PARP12: variants seen among roughly 807,000 people sequenced by gnomAD.
PARP12 encodes the protein poly(ADP-ribose) polymerase family member 12.
PARP12 carries 59 observed loss-of-function variants against 72.4 expected under a neutral mutation model. The ratio of observed to expected loss-of-function variants is 0.81; its 90% confidence interval spans 0.66 to 1.01. PARP12 has a LOEUF of 1.01. Among genes scored for constraint, PARP12 ranks in the 50% least tolerant of loss-of-function variants. The probability of loss-of-function intolerance (pLI) is 0.00; values close to 1 mark genes in which losing one functional copy is unlikely to be tolerated. For missense variants in PARP12, 851 were observed against 914.0 expected (o/e 0.93, Z 0.89); for synonymous variants, 403 against 371.4 (o/e 1.09, Z -0.98).
chr7:140,040,119 G>C (rs772388505), intron 6 of PARP12, among the ~76,000 whole-genome samples: 1 of 152,122 alleles, frequency 6.6e-6, no homozygotes, highest in African/African-American at 2.4e-5. Flanking sequence ...CAGAATGAAC[G>C]TGATGGTCAC....
intron 7 of PARP12, among the ~76,000 whole-genome samples, chr7:140,037,142 A>G (rs1359216791): frequency 6.6e-6 from 1 of 152,174 alleles, no homozygotes; most frequent in Non-Finnish European, 1.5e-5. Flanking sequence ...GGCCAACATG[A>G]TGAAACCCCG....
chr7:140,031,376 A>AATAAATAAATAAATAAATAC (rs779676433), intron 8 of PARP12, among the ~76,000 whole-genome samples: 2 of 152,074 alleles, frequency 1.3e-5, no homozygotes, highest in African/African-American at 4.8e-5. Context: ...CTGTCTCATA[A>AATAAATAAATAAATAAATAC]ATAAATAAAT....
In PARP12 at chr7:140,028,890, CAA is replaced by C. The variant is rs1489545739; in HGVS notation, c.1422-204_1422-203del. On this transcript the variant is annotated intron_variant, in intron 8 of 11. Transcript: ENST00000263549. ...TATCTTTGCCTATGTAGCCAAACTCCAAACAGTCCTGAGAGATCTATTTCTCG... is the reference window on the plus strand; with the variant it reads ...TATCTTTGCCTATGTAGCCAAACTCCACAGTCCTGAGAGATCTATTTCTCG... The C allele has an allele frequency of 6.9e-6, 3 of 436,854 alleles. No individual in the cohort carries two copies. The East Asian group carries it at 1.5e-4, about 22-fold the overall frequency. The allele number at this position is 436,854 out of a possible 1,614,324, so 27.1% of individuals were successfully genotyped here.
chr7:140,061,088 C>T (rs1817425201), intron 1 of PARP12, among the ~76,000 whole-genome samples: 1 of 152,238 alleles, frequency 6.6e-6, no homozygotes, highest in Non-Finnish European at 1.5e-5. Context: ...CCAAATTTCT[C>T]ACACACATAG....
In PARP12 at chr7:140,024,537, A is replaced by G; in HGVS notation, c.*23T>C. 1 of 1,612,850 alleles carries G rather than the reference A, an allele frequency of 6.2e-7. No homozygotes were observed. The highest frequency in any genetic ancestry group is 8.5e-7 in the Non-Finnish European group (1 of 1,179,020). ...GCCATTTCAAGGCAGAGCAGGTGAA[A>G]GGCCTGGAACACTCCTGTGCGCTCA... On this transcript the variant is annotated 3_prime_UTR_variant, in exon 12 of 12. Transcript: ENST00000263549.
chr7:140,056,741 C>G, intron 3 of PARP12, 115 bp downstream of exon 3: 2 of 1,106,784 alleles, frequency 1.8e-6, no homozygotes, highest in South Asian at 1.6e-5. Context: ...CTAAAAGCAG[C>G]ACCAGACTTG....
In PARP12 at chr7:140,024,829, G is replaced by A. The variant is rs765516883; in HGVS notation, c.1837C>T (p.Gln613Ter). The change falls in exon 12 of 12, where the codon CAG becomes TAG. Residue 613 changes from glutamine to a stop codon, truncating the protein, a stop_gained. Coordinates refer to ENST00000263549, the MANE Select transcript of PARP12 (RefSeq NM_022750.4). LOFTEE classifies it low-confidence loss of function (END_TRUNC). ...YSHHYSKSDT[Q>*]THTMFLARVL... ...CGGGCCAGGAACATCGTGTGGGTCT[G>A]CGTGTCGGATTTGCTGTAGTGGTGG... is the stretch of plus-strand genomic sequence containing the variant. The A allele has an allele frequency of 1.2e-6, 2 of 1,614,132 alleles. No homozygotes were observed. The highest frequency in any genetic ancestry group is 8.5e-7 in the Non-Finnish European group (1 of 1,179,996).
At chr7:140,033,921 C>CAATG (rs1386607187) in intron 8 of PARP12, 1 of 1,022,168 alleles carries the variant, frequency 9.8e-7, no homozygotes, top group African/African-American at 1.7e-5. Context: ...GTCTATGACT[C>CAATG]AATGATTCCA....
At chr7:140,042,541 C>T (rs1028496211) in intron 5 of PARP12, among the ~76,000 whole-genome samples, 2 of 152,184 alleles carry the variant, frequency 1.3e-5, no homozygotes, top group Non-Finnish European at 2.9e-5. Flanking sequence ...TGGGCTTTGG[C>T]CGCAAAAGGG....
intron 1 of PARP12, among the ~76,000 whole-genome samples, chr7:140,058,383 C>A (rs1490855532): frequency 6.6e-6 from 1 of 151,778 alleles, no homozygotes; most frequent in African/African-American, 2.4e-5. Flanking sequence ...TGGTGGTGAG[C>A]GCATGTAGTC....
intron 11 of PARP12, chr7:140,025,695 T>C (rs1161612474): frequency 3.0e-6 from 1 of 332,942 alleles, no homozygotes; most frequent in African/African-American, 2.2e-5. Context: ...ATTATTATTA[T>C]TCCAATTTTC....
At chr7:140,037,885 A>G in intron 6 of PARP12, 29 bp from the exon 7 acceptor site, 1 of 1,594,484 alleles carries the variant, frequency 6.3e-7, no homozygotes, top group Non-Finnish European at 8.6e-7. Context: ...CACTTTATGA[A>G]GGCAAGAAAC....
chr7:140,046,847 C>G, intron 5 of PARP12, 37 bp downstream of exon 5: 1 of 1,458,938 alleles, frequency 6.9e-7, no homozygotes, highest in Non-Finnish European at 9.2e-7. Context: ...ACACAGAAGC[C>G]CAGGCACAAA....
chr7:140,046,810 G>GTA, intron 5 of PARP12, 74 bp downstream of exon 5: 1 of 1,374,834 alleles, frequency 7.3e-7, no homozygotes. Context: ...GTGTGTGTGT[G>GTA]TGTGTGTGTG....
intron 11 of PARP12, chr7:140,025,489 T>C (rs1019444147): frequency 2.4e-4 from 101 of 426,662 alleles, no homozygotes; most frequent in African/African-American, 1.9e-3. Context: ...GCAGAAAATG[T>C]TCTCAACTTG....
rs3216987 is a variant in PARP12, at chr7:140,046,799, A to AGTGTGTGTGTGTGTGTGTGTGTGTGT, written c.986+59_986+84dup. ...GGCACCTCCAGACTAGGCTGCTCACAGTGTGTGTGTGTGTGTGTGTGTGTG... is the reference window on the plus strand; with the variant it reads ...GGCACCTCCAGACTAGGCTGCTCACAGTGTGTGTGTGTGTGTGTGTGTGTGTGTGTGTGTGTGTGTGTGTGTGTGTG... On this transcript the variant is annotated intron_variant, in intron 5 of 11. Coordinates refer to ENST00000263549, the MANE Select transcript of PARP12 (RefSeq NM_022750.4). 2.2e-5 allele frequency: 19 copies of AGTGTGTGTGTGTGTGTGTGTGTGTGT among 868,886 alleles called. No homozygotes were observed. In the South Asian group the frequency reaches 2.4e-4, roughly 11 times the overall value. 53.8% of individuals were successfully genotyped at this position (868,886 alleles called of 1,614,324 possible).
At position 140,037,618 on chromosome 7, in the gene PARP12, G is replaced by C. The variant is rs898215855; in HGVS notation, c.1324+97C>G. ...TGCTTTTCTTTCCTGTACCCACCCA[G>C]GCCCTCAGTATGTGCACACGGCTCC... On this transcript the variant is annotated intron_variant, in intron 7 of 11. Transcript: ENST00000263549. 6.5e-6 allele frequency: 10 copies of C among 1,533,438 alleles called. No individual in the cohort carries two copies. In the African/African-American group the frequency reaches 1.4e-4, roughly 21 times the overall value. 95.0% of individuals were successfully genotyped at this position (1,533,438 alleles called of 1,614,324 possible). A position where few individuals can be genotyped will look rare whatever the true frequency, so the allele number is the denominator to read the frequency against.
At chr7:140,035,965 G>C (rs868661530) in intron 7 of PARP12, among the ~76,000 whole-genome samples, 6 of 72,476 alleles carry the variant, frequency 8.3e-5, no homozygotes, top group African/African-American at 3.1e-4. Context: ...AGGAGGAGGA[G>C]GAGGACGAGG....
At position 140,024,461 on chromosome 7, in the gene PARP12, G is replaced by C. The variant is rs765565512; in HGVS notation, c.*99C>G. 1.7e-6 allele frequency: 2 copies of C among 1,194,460 alleles called. No homozygotes were observed. The highest frequency in any genetic ancestry group is 2.6e-5 in the South Asian group (2 of 77,038). The allele number at this position is 1,194,460 out of a possible 1,614,324, so 74.0% of individuals were successfully genotyped here. A position where few individuals can be genotyped will look rare whatever the true frequency, so the allele number is the denominator to read the frequency against. On this transcript the variant is annotated 3_prime_UTR_variant, in exon 12 of 12. Coordinates refer to ENST00000263549, the MANE Select transcript of PARP12 (RefSeq NM_022750.4). Reference sequence around the variant, plus strand: ...CTTCATTGAGAGGTCAATGTTAAGAGAACAGTTCATTAAAAGTTTCTGTTT... The same window carrying C: ...CTTCATTGAGAGGTCAATGTTAAGACAACAGTTCATTAAAAGTTTCTGTTT...
Sources: gnomAD v4.1 joint callset for allele counts (sites outside exome capture counted in the v4.1 genomes callset) on GRCh38, gnomAD v4.1.1 for gene constraint, MANE v1.5 for transcripts, NCBI Gene and HGNC (gene_info 2026-07-23, HGNC 2026-07-21) for gene names.